CCNG1: variants seen among roughly 807,000 people sequenced by gnomAD.
CCNG1 encodes cyclin G1.
In CCNG1, 13 loss-of-function variants were observed where a neutral mutation model predicts 30.0. That is an observed-to-expected ratio of 0.43 (90% CI 0.28 to 0.69). CCNG1 has a LOEUF of 0.69. Among genes scored for constraint, CCNG1 ranks in the 30% least tolerant of loss-of-function variants. The probability of loss-of-function intolerance (pLI) is 0.16; values close to 1 mark genes in which losing one functional copy is unlikely to be tolerated. For synonymous variants in CCNG1, 110 were observed against 121.5 expected, an observed-to-expected ratio of 0.91 and a Z score of 0.62; for missense variants, 285 against 331.4, an observed-to-expected ratio of 0.86 and a Z score of 1.09.
Position 163,443,695 on chromosome 5 carries a change from C to T in CCNG1, c.*25C>T, listed in dbSNP as rs867994245. ...ATAGGATTATTACAGCACCAAAAAACTTCTCTGAAGCCTTTCTCCACAACC... is the reference window on the plus strand; with the variant it reads ...ATAGGATTATTACAGCACCAAAAAATTTCTCTGAAGCCTTTCTCCACAACC... On this transcript the variant is annotated 3_prime_UTR_variant, in exon 7 of 7. Coordinates refer to ENST00000340828, the MANE Select transcript of CCNG1 (RefSeq NM_004060.4). The T allele has an allele frequency of 1.3e-4, 199 of 1,530,672 alleles. No homozygotes were observed. The highest frequency in any genetic ancestry group is 1.2e-3 in the African/African-American group (89 of 73,002). 94.8% of individuals were successfully genotyped at this position (1,530,672 alleles called of 1,614,324 possible).
chr5:163,446,310 T>G (rs2113390613), downstream of CCNG1, among the ~76,000 whole-genome samples: 1 of 152,338 alleles, frequency 6.6e-6, no homozygotes, highest in South Asian at 2.1e-4. Context: ...TACTCTCTGG[T>G]ACTATGAATC....
the CCNG1 span, chr5:163,452,254 T>C: frequency 2.0e-5 from 3 of 152,130 alleles, no homozygotes; most frequent in Non-Finnish European, 4.4e-5. Context: ...CCAACGGCAA[T>C]TGCACACTAG....
the CCNG1 span, among the ~76,000 whole-genome samples, chr5:163,455,178 A>G: frequency 2.0e-5 from 3 of 152,218 alleles, no homozygotes; most frequent in Non-Finnish European, 4.4e-5. Context: ...GGGAAATAAA[A>G]TTATATTTAA....
At position 163,441,064 on chromosome 5, in the gene CCNG1, T is replaced by C; in HGVS notation, c.265-14T>C. 6.2e-7 allele frequency: 1 copy of C among 1,603,088 alleles called. No homozygotes were observed. Among genetic ancestry groups the C allele is most frequent in the South Asian group, 1.1e-5 (1 of 89,356 alleles). The stretch of plus-strand genomic sequence containing the variant: ...AGAGTCATGGGCTTACTGGTTTTGT[T>C]TTTGATTTTTTAGGTACAGCCCAAG... On this transcript the variant is annotated splice_polypyrimidine_tract_variant and intron_variant, in intron 2 of 6. Coordinates refer to ENST00000340828, the MANE Select transcript of CCNG1 (RefSeq NM_004060.4).
rs137996603 is a variant in CCNG1, at chr5:163,438,173, A to G, written c.-1+369A>G. Among the ~76,000 whole-genome samples the G allele has an allele frequency of 2.0e-5, 3 of 152,278 alleles. No homozygotes were observed. The East Asian group carries it at 5.8e-4, about 29-fold the overall frequency. On this transcript the variant is annotated intron_variant, in intron 1 of 6. Transcript: ENST00000340828. ...CCCGGGACATGGTTGTGTTATGCAC[A>G]CTTAAATCAATGGAATTCCCAGGTT...
chr5:163,438,778 G>A (rs1014478817), intron 1 of CCNG1, among the ~76,000 whole-genome samples: 3 of 151,664 alleles, frequency 2.0e-5, no homozygotes, highest in Non-Finnish European at 4.4e-5. Context: ...CTGTAATCCC[G>A]GCACTTTGGA....
At chr5:163,441,424 A>G (rs1230257672) in intron 3 of CCNG1, 93 bp downstream of exon 3, 3 of 1,203,752 alleles carry the variant, frequency 2.5e-6, no homozygotes, top group Non-Finnish European at 3.4e-6. Context: ...TAGAATTCTA[A>G]TAAAAATAAG....
At chr5:163,439,045 T>C in intron 1 of CCNG1, 1 of 420,784 alleles carries the variant, frequency 2.4e-6, no homozygotes, top group East Asian at 4.1e-5. Context: ...AAAAAAAGCA[T>C]GGTTCCTTCC....
rs758441730 is a variant in CCNG1 at position 163,439,532 on chromosome 5, G to A, written c.264+12G>A. The A allele has an allele frequency of 3.1e-6, 5 of 1,603,396 alleles. No homozygotes were observed. The highest frequency in any genetic ancestry group is 4.3e-6 in the Non-Finnish European group (5 of 1,173,470). On this transcript the variant is annotated intron_variant, in intron 2 of 6. Transcript: ENST00000340828. ...TGTCTAAAATGAAGGTATGTTTGAA[G>A]CTACATTTTTGTAATTTTGCTCAGT...
At chr5:163,445,577 C>T (rs1758020238), downstream of CCNG1, among the ~76,000 whole-genome samples, 1 of 150,920 alleles carries the variant, frequency 6.6e-6, no homozygotes, top group South Asian at 2.1e-4. Flanking sequence ...CCTTAGCTTC[C>T]GAAATAGCTA....
the CCNG1 span, chr5:163,451,469 T>C: frequency 6.6e-6 from 1 of 152,158 alleles, no homozygotes; most frequent in East Asian, 1.9e-4. Context: ...TGGAGGTGTT[T>C]ACACATATCT....
At chr5:163,449,335 C>T (rs2113400458), downstream of CCNG1, 1 of 152,336 alleles carries the variant, frequency 6.6e-6, no homozygotes, top group East Asian at 1.9e-4. Flanking sequence ...AAATCAAACA[C>T]ATTTGTACAT....
At position 163,442,354 on chromosome 5, in the gene CCNG1, T is replaced by A. The variant is rs200649853; in HGVS notation, c.697-20T>A. 43 of 1,561,798 alleles carry A rather than the reference T, an allele frequency of 2.8e-5. No individual in the cohort carries two copies. The East Asian group carries it at 8.3e-4, about 30-fold the overall frequency. On this transcript the variant is annotated intron_variant, in intron 5 of 6. Coordinates refer to ENST00000340828, the MANE Select transcript of CCNG1 (RefSeq NM_004060.4). ...GGACTTACTTGGAGTAATAATTTTT[T>A]AAAATTTATGTATGTACAGATAAAT...
At position 163,442,160 on chromosome 5, in the gene CCNG1, G is replaced by C. The variant is rs573590129; in HGVS notation, c.696+17G>C. On this transcript the variant is annotated intron_variant, in intron 5 of 6. Transcript: ENST00000340828. ...CATTCCAAGGTATGTGAAGGACATA[G>C]CCTAAATCCTATTAACAGCTGTAAA... 6.7e-7 allele frequency: 1 copy of C among 1,501,670 alleles called. No homozygotes were observed. The highest frequency in any genetic ancestry group is 1.4e-5 in the African/African-American group (1 of 71,964). The allele number at this position is 1,501,670 out of a possible 1,614,324, so 93.0% of individuals were successfully genotyped here.
chr5:163,447,576 G>A (rs1758071258), downstream of CCNG1: 1 of 151,792 alleles, frequency 6.6e-6, no homozygotes, highest in African/African-American at 2.4e-5. Context: ...AATTAGCAAA[G>A]ATGTAGGAAA....
In CCNG1 at chr5:163,442,880, T is replaced by C. The variant is rs116208158; in HGVS notation, c.*3+312T>C. 1.9e-3 allele frequency among the ~76,000 whole-genome samples: 285 copies of C among 152,330 alleles called. 1 individual carries two copies. The highest frequency in any genetic ancestry group is 0.017 in the Middle Eastern group (5 of 294). Reference sequence around the variant, plus strand: ...TTTTTTTAATTGCACATGATCTTGCTGTATGTATCTGACTGATTTAAAATT... The same window carrying C: ...TTTTTTTAATTGCACATGATCTTGCCGTATGTATCTGACTGATTTAAAATT... On this transcript the variant is annotated intron_variant, in intron 6 of 6. Coordinates refer to ENST00000340828, the MANE Select transcript of CCNG1 (RefSeq NM_004060.4).
At chr5:163,457,030 C>A in the CCNG1 span, 2 of 1,613,302 alleles carry the variant, frequency 1.2e-6, no homozygotes, top group Non-Finnish European at 1.7e-6. Context: ...CAACAATTTG[C>A]TGCATCTCTC....
At chr5:163,447,357 G>A (rs1758061753), downstream of CCNG1, 1 of 151,852 alleles carries the variant, frequency 6.6e-6, no homozygotes, top group African/African-American at 2.4e-5. Flanking sequence ...AGCCTGAGGT[G>A]GGAAGACTGT....
chr5:163,439,604 T>G, intron 2 of CCNG1, 84 bp downstream of exon 2: 1 of 1,250,354 alleles, frequency 8.0e-7, no homozygotes, highest in South Asian at 1.5e-5. Context: ...ATTCATAAAC[T>G]TGACCTTTTT....
Sources: gnomAD v4.1 joint callset for allele counts (sites outside exome capture counted in the v4.1 genomes callset) on GRCh38, gnomAD v4.1.1 for gene constraint, MANE v1.5 for transcripts, NCBI Gene and HGNC (gene_info 2026-07-23, HGNC 2026-07-21) for gene names.